PHF21B: variants seen among roughly 807,000 people sequenced by gnomAD.
PHF21B encodes the protein PHD finger protein 4.
In PHF21B, 22 loss-of-function variants were observed where a neutral mutation model predicts 62.2. The ratio of observed to expected loss-of-function variants is 0.35; its 90% CI spans 0.25 to 0.51. The LOEUF is 0.51. PHF21B is among the 20% of genes least tolerant of loss of function. The pLI is 0.97. For synonymous variants in PHF21B, 341 were observed against 314.7 expected (o/e 1.08, Z -0.88); for missense variants, 701 against 707.9 (o/e 0.99, Z 0.11).
intron 2 of PHF21B, among the ~76,000 whole-genome samples, chr22:44,929,852 G>A (rs983315733): frequency 1.3e-5 from 2 of 152,186 alleles, no homozygotes; most frequent in African/African-American, 4.8e-5. Context: ...ACAGAGATGC[G>A]AGGGTCCACC....
chr22:44,931,843 G>A (rs993988287), intron 2 of PHF21B, among the ~76,000 whole-genome samples: 1 of 152,188 alleles, frequency 6.6e-6, no homozygotes, highest in Non-Finnish European at 1.5e-5. Flanking sequence ...AAGAGATCTG[G>A]ACTCCAGGGG....
rs557906681 is a variant in PHF21B at position 44,882,910 on chromosome 22, C to A, written c.*176G>T. On this transcript the variant is annotated 3_prime_UTR_variant, in exon 13 of 13. Coordinates refer to ENST00000313237, the MANE Select transcript of PHF21B (RefSeq NM_138415.5). The stretch of plus-strand genomic sequence containing the variant: ...GAATTTGGAGGGCACAGGGCCGCAC[C>A]CCCACCTGGTCCTGGCTCTAGGCCT... 51 of 761,226 alleles carry A rather than the reference C, an allele frequency of 6.7e-5. No homozygotes were observed. In the Admixed American group the frequency reaches 7.3e-4, roughly 11 times the overall value. The allele number at this position is 761,226 out of a possible 1,614,324, so 47.2% of individuals were successfully genotyped here.
In PHF21B at chr22:45,008,556, T is replaced by C; in HGVS notation, c.109A>G (p.Ser37Gly). Residue 37 changes from serine (S) to glycine (G), a missense_variant, in exon 2 of 13, where the codon AGC becomes GGC. Coordinates refer to ENST00000313237, the MANE Select transcript of PHF21B (RefSeq NM_138415.5). Reference protein sequence around the residue: ...HERQPRIAALSDKQALGTITA... With the variant: ...HERQPRIAALGDKQALGTITA... ...ATCCCATCGCTTACTTGTTTGTCGC[T>C]GAGCGCGGCGATCCGCGGCTGCCTT... 4 of 1,584,036 alleles carry C rather than the reference T, an allele frequency of 2.5e-6. No homozygotes were observed. The highest frequency in any genetic ancestry group is 3.4e-6 in the Non-Finnish European group (4 of 1,165,456).
chr22:44,938,165 C>G (rs1021165960), intron 2 of PHF21B, among the ~76,000 whole-genome samples: 1 of 152,238 alleles, frequency 6.6e-6, no homozygotes, highest in Non-Finnish European at 1.5e-5. Context: ...ACCTCCACCT[C>G]CCAGGTTCAA....
chr22:44,980,084 AAAAAAAAAAAAAG>A (rs2072811632), intron 2 of PHF21B, among the ~76,000 whole-genome samples: 1 of 151,192 alleles, frequency 6.6e-6, no homozygotes, highest in Admixed American at 6.6e-5. Flanking sequence ...AAAAAAAAAA[AAAAAAAAAAAAAG>A]GAAAGAAGAA....
At chr22:44,946,532 G>A (rs2072075760) in intron 2 of PHF21B, among the ~76,000 whole-genome samples, 1 of 152,116 alleles carries the variant, frequency 6.6e-6, no homozygotes, top group Non-Finnish European at 1.5e-5. Context: ...ACGGATGGTG[G>A]GTGGACGGAT....
At chr22:44,899,285 C>CTTTTTTTTTT (rs71188499) in intron 5 of PHF21B, among the ~76,000 whole-genome samples, 6 of 97,556 alleles carry the variant, frequency 6.2e-5, no homozygotes, top group Admixed American at 1.3e-4. Context: ...TGTTCTTATT[C>CTTTTTTTTTT]TTTTTTTTTT....
intron 5 of PHF21B, among the ~76,000 whole-genome samples, chr22:44,911,028 G>A (rs1430318999): frequency 6.6e-6 from 1 of 152,208 alleles, no homozygotes; most frequent in East Asian, 1.9e-4. Flanking sequence ...CTGGAGCAAA[G>A]GTGACTCTTG....
In PHF21B at chr22:44,885,959, T is replaced by G. The variant is rs1194352649; in HGVS notation, c.1198-21A>C. 3.7e-6 allele frequency: 6 copies of G among 1,611,716 alleles called. No individual in the cohort carries two copies. In the South Asian group the frequency reaches 4.4e-5, roughly 12 times the overall value. On this transcript the variant is annotated intron_variant, in intron 10 of 12. Coordinates refer to ENST00000313237, the MANE Select transcript of PHF21B (RefSeq NM_138415.5). The stretch of plus-strand genomic sequence containing the variant: ...AAGGCCTGGGGAGCAGACGGGGAGA[T>G]GAAAAAGTGGACAGGCCCTGGGACC...
At chr22:44,980,603 C>A (rs539345083) in intron 2 of PHF21B, among the ~76,000 whole-genome samples, 1 of 152,308 alleles carries the variant, frequency 6.6e-6, no homozygotes, top group Non-Finnish European at 1.5e-5. Flanking sequence ...AAGCCACTGC[C>A]ATCAGAGGCA....
chr22:44,916,258 G>A, intron 4 of PHF21B, 22 bp downstream of exon 4: 1 of 1,601,110 alleles, frequency 6.2e-7, no homozygotes, highest in Non-Finnish European at 8.5e-7. Context: ...ACCCTTTCCG[G>A]AGCCTGCTGG....
In PHF21B at chr22:44,916,469, C is replaced by T. The variant is rs560827322; in HGVS notation, c.375G>A (p.Ala125=). 1.0e-5 allele frequency: 16 copies of T among 1,603,476 alleles called. No homozygotes were observed. The highest frequency in any genetic ancestry group is 3.3e-4 in the Middle Eastern group (2 of 6,042). Residue 125 remains alanine (A), a synonymous_variant, in exon 4 of 13, where the codon GCG becomes GCA. Coordinates refer to ENST00000313237, the MANE Select transcript of PHF21B (RefSeq NM_138415.5). ...TANNTVSHVP[A]PGSQPQALAE... ...CGAGGGCCTGGGGCTGGCTGCCGGG[C>T]GCTGGCACATGGCTGACAGTGTTGT... is the stretch of plus-strand genomic sequence containing the variant.
chr22:44,997,183 G>A (rs191279864), intron 2 of PHF21B, among the ~76,000 whole-genome samples: 22 of 152,086 alleles, frequency 1.4e-4, no homozygotes, highest in Admixed American at 1.0e-3. Context: ...CACTACCCTC[G>A]TCCCCTCCAG....
At position 44,916,343 on chromosome 22, in the gene PHF21B, G is replaced by T; in HGVS notation, c.501C>A (p.Thr167=). 1.3e-6 allele frequency: 2 copies of T among 1,597,472 alleles called. No homozygotes were observed. The highest frequency in any genetic ancestry group is 1.7e-6 in the Non-Finnish European group (2 of 1,176,536). Residue 167 remains threonine (T), a synonymous_variant, in exon 4 of 13, where the codon ACC becomes ACA. Coordinates refer to ENST00000313237, the MANE Select transcript of PHF21B (RefSeq NM_138415.5). ...TGCTGTCACTGACCACAGACACGGCGGTGCTGGGGGCCATGGCGGCGGCAT... is the reference window on the plus strand; with the variant it reads ...TGCTGTCACTGACCACAGACACGGCTGTGCTGGGGGCCATGGCGGCGGCAT... ...PSNAAAMAPS[T]AVSVVSDSIK...
chr22:44,942,900 G>C (rs919822849), intron 2 of PHF21B, among the ~76,000 whole-genome samples: 1 of 152,106 alleles, frequency 6.6e-6, no homozygotes, highest in Non-Finnish European at 1.5e-5. Context: ...CTGGGGGCCA[G>C]GGTGAAGCGT....
At chr22:44,966,627 C>T (rs548330250) in intron 2 of PHF21B, among the ~76,000 whole-genome samples, 110 of 152,226 alleles carry the variant, frequency 7.2e-4, no homozygotes, top group Middle Eastern at 3.4e-3. Flanking sequence ...TCCCTCCATC[C>T]GTCTGTCACA....
chr22:44,972,024 C>T (rs1195534627), intron 2 of PHF21B, among the ~76,000 whole-genome samples: 1 of 152,200 alleles, frequency 6.6e-6, no homozygotes, highest in Non-Finnish European at 1.5e-5. Context: ...GACAGGGTCA[C>T]CCATACCGGC....
In PHF21B at chr22:44,888,105, T is replaced by A; in HGVS notation, c.1055A>T (p.Asp352Val). 1 of 1,533,404 alleles carries A rather than the reference T, an allele frequency of 6.5e-7. No individual in the cohort carries two copies. The highest frequency in any genetic ancestry group is 8.8e-7 in the Non-Finnish European group (1 of 1,138,588). 95.0% of individuals were successfully genotyped at this position (1,533,404 alleles called of 1,614,324 possible). ...DPCWKNEITH[D>V]EHCAACKRGA... ...TCGCTTGCAGGCGGCACAGTGCTCA[T>A]CGTGGGTGATCTCGTTCTGGAAGAG... is the stretch of plus-strand genomic sequence containing the variant. The change falls in exon 10 of 13, where the codon GAT becomes GTT. Residue 352 changes from aspartate to valine, a missense_variant. By Grantham distance (152) the Asp-to-Val change is radical. Transcript: ENST00000313237.
chr22:44,986,886 G>T (rs2072959953), intron 2 of PHF21B, among the ~76,000 whole-genome samples: 2 of 151,326 alleles, frequency 1.3e-5, no homozygotes, highest in Admixed American at 1.3e-4. Context: ...TACAGGTGGG[G>T]TCCTGGAGAT....
Sources: gnomAD v4.1 joint callset for allele counts (sites outside exome capture counted in the v4.1 genomes callset) on GRCh38, gnomAD v4.1.1 for gene constraint, MANE v1.5 for transcripts, NCBI Gene and HGNC (gene_info 2026-07-23, HGNC 2026-07-21) for gene names.